Variants in RRAGD observed in about 807,000 individuals in gnomAD.
RRAGD encodes the protein ras-related GTP-binding protein D.
RRAGD carries 12 observed loss-of-function variants against 35.5 expected under a neutral mutation model. The ratio of observed to expected loss-of-function variants is 0.34; its 90% CI spans 0.22 to 0.55. RRAGD has a LOEUF of 0.55. Among genes scored for constraint, RRAGD ranks in the 20% least tolerant of loss-of-function variants. RRAGD has a pLI of 0.91. For synonymous variants in RRAGD, 155 were observed against 178.9 expected, an observed-to-expected ratio of 0.87 and a Z score of 1.07; for missense variants, 324 against 490.1, an observed-to-expected ratio of 0.66 and a Z score of 3.20.
At chr6:89,399,867 G>A (rs1401096118) in intron 1 of RRAGD, among the ~76,000 whole-genome samples, 1 of 149,332 alleles carries the variant, frequency 6.7e-6, no homozygotes, top group Non-Finnish European at 1.5e-5. Flanking sequence ...GCCTCCCAAA[G>A]TGCTGGGATT....
chr6:89,377,864 A>C, intron 4 of RRAGD, 51 bp from the exon 5 acceptor site: 1 of 1,384,486 alleles, frequency 7.2e-7, no homozygotes, highest in Non-Finnish European at 9.9e-7. Context: ...ACTTCAGACC[A>C]TGTCATGACT....
intron 6 of RRAGD, among the ~76,000 whole-genome samples, chr6:89,371,185 G>A (rs879523190): frequency 6.6e-6 from 1 of 152,018 alleles, no homozygotes; most frequent in Non-Finnish European, 1.5e-5. Flanking sequence ...GAGGGTAGGA[G>A]GGAGAGGAAA....
chr6:89,409,145 A>G (rs924474006), intron 1 of RRAGD, among the ~76,000 whole-genome samples: 7 of 152,254 alleles, frequency 4.6e-5, no homozygotes, highest in Non-Finnish European at 1.0e-4. Flanking sequence ...TTTACAAGGC[A>G]TACTCGGTTT....
At chr6:89,402,331 C>A (rs898491174) in intron 1 of RRAGD, among the ~76,000 whole-genome samples, 2 of 152,086 alleles carry the variant, frequency 1.3e-5, no homozygotes, top group East Asian at 1.9e-4. Context: ...CAGGCATGAG[C>A]CACTGAGCCC....
chr6:89,376,300 GGTGTGTGTGTGT>G lies in RRAGD; in HGVS notation c.902+1359_902+1370del, dbSNP rs34484330. ...TAAGTATCACTTTCCATGTGTGTGT[GGTGTGTGTGTGT>G]GTGTGTGTGTGTGTGTGTGTGTGTG... is the stretch of plus-strand genomic sequence containing the variant. On this transcript the variant is annotated intron_variant, in intron 5 of 6. Transcript: ENST00000369415. 5.7e-3 allele frequency among the ~76,000 whole-genome samples: 807 copies of G among 141,852 alleles called. 17 individuals carry two copies. Among genetic ancestry groups the G allele is most frequent in the East Asian group, 0.045 (177 of 3,974 alleles). The allele number at this position is 141,852 out of a possible 152,430, so 93.1% of individuals were successfully genotyped here.
Position 89,368,353 on chromosome 6 carries a change from G to A in RRAGD, c.1052-146C>T, listed in dbSNP as rs888846863. On this transcript the variant is annotated intron_variant, in intron 6 of 6. Coordinates refer to ENST00000369415, the MANE Select transcript of RRAGD (RefSeq NM_021244.5). ...CAGAGATTTCCCTGGGATGTCTGCA[G>A]CTGGCCTTCAGAAATTGCTATAAAT... 1.3e-5 allele frequency: 8 copies of A among 609,918 alleles called. No individual in the cohort carries two copies. The African/African-American group carries it at 1.5e-4, about 11-fold the overall frequency. The allele number at this position is 609,918 out of a possible 1,614,324, so 37.8% of individuals were successfully genotyped here. A position where few individuals can be genotyped will look rare whatever the true frequency, so the allele number is the denominator to read the frequency against.
At chr6:89,401,953 T>C (rs1260431294) in intron 1 of RRAGD, among the ~76,000 whole-genome samples, 1 of 151,466 alleles carries the variant, frequency 6.6e-6, no homozygotes, top group Non-Finnish European at 1.5e-5. Flanking sequence ...AAGAAATTAG[T>C]TGATGGAGAG....
At chr6:89,387,912 A>G (rs1769162968) in intron 1 of RRAGD, among the ~76,000 whole-genome samples, 1 of 152,160 alleles carries the variant, frequency 6.6e-6, no homozygotes. Flanking sequence ...GCAGGGACTC[A>G]GGAGCGTGAA....
intron 1 of RRAGD, among the ~76,000 whole-genome samples, chr6:89,401,963 G>A (rs984801286): frequency 1.3e-5 from 2 of 151,446 alleles, no homozygotes; most frequent in African/African-American, 4.9e-5. Context: ...TTGATGGAGA[G>A]GTGACAGGCT....
chr6:89,366,847 T>C lies in RRAGD; in HGVS notation c.*1209A>G, dbSNP rs1384172359. 6.6e-6 allele frequency: 1 copy of C among 152,154 alleles called. No homozygotes were observed. The highest frequency in any genetic ancestry group is 1.5e-5 in the Non-Finnish European group (1 of 68,024). 9.4% of individuals were successfully genotyped at this position (152,154 alleles called of 1,614,324 possible). A position where few individuals can be genotyped will look rare whatever the true frequency, so the allele number is the denominator to read the frequency against. On this transcript the variant is annotated 3_prime_UTR_variant, in exon 7 of 7. Transcript: ENST00000369415. ...CAGCCATCCTTTTCCCACTGACCTT[T>C]AGGGGTCTTCAGGATGACTCTTCAG...
rs886997567 is a variant in RRAGD at position 89,411,463 on chromosome 6, G to A, written c.148+383C>T. The stretch of plus-strand genomic sequence containing the variant: ...ATCTGACCCTGGCTTCAACAGCACC[G>A]TTCTGGGAGAGAGGTCCCAGGGCGC... On this transcript the variant is annotated intron_variant, in intron 1 of 6. Transcript: ENST00000369415. This position sits in a 1 kb window ranked among gnomAD's most constrained non-coding sequence, Gnocchi z 5.6. 1 of 197,978 alleles carries A rather than the reference G, an allele frequency of 5.1e-6. No individual in the cohort carries two copies. The highest frequency in any genetic ancestry group is 6.0e-5 in the Admixed American group (1 of 16,698). The allele number at this position is 197,978 out of a possible 1,614,324, so 12.3% of individuals were successfully genotyped here.
intron 1 of RRAGD, among the ~76,000 whole-genome samples, chr6:89,394,677 G>A (rs900051303): frequency 2.0e-5 from 3 of 152,048 alleles, no homozygotes; most frequent in Non-Finnish European, 4.4e-5. Context: ...AGAATGCTAC[G>A]GTTGCTGCTA....
intron 1 of RRAGD, among the ~76,000 whole-genome samples, chr6:89,389,638 A>G (rs555206267): frequency 6.6e-6 from 1 of 152,074 alleles, no homozygotes; most frequent in South Asian, 2.1e-4. Context: ...CTTGAAACAT[A>G]TAGTATTAAT....
At chr6:89,379,953 C>T (rs954348397) in intron 3 of RRAGD, among the ~76,000 whole-genome samples, 4 of 152,148 alleles carry the variant, frequency 2.6e-5, no homozygotes, top group African/African-American at 9.7e-5. Flanking sequence ...TTAGCTTTGA[C>T]CATTTGTTAA....
rs1161773716 is a variant in RRAGD, at chr6:89,411,686, G to A, written c.148+160C>T. On this transcript the variant is annotated intron_variant, in intron 1 of 6. Coordinates refer to ENST00000369415, the MANE Select transcript of RRAGD (RefSeq NM_021244.5). The surrounding 1 kb of genome is among the most constrained non-coding windows in gnomAD (Gnocchi z 5.6). ...GCGCTCCCTCATTTGGCAGCTCGAG[G>A]TCGGGCTTTTGGCGTCCCTCCCCAC... 6.6e-6 allele frequency among the ~76,000 whole-genome samples: 1 copy of A among 152,170 alleles called. No homozygotes were observed. Among genetic ancestry groups the A allele is most frequent in the Non-Finnish European group, 1.5e-5 (1 of 68,026 alleles).
In RRAGD at chr6:89,411,960, C is replaced by T; in HGVS notation, c.34G>A (p.Asp12Asn). Reference sequence around the variant, plus strand: ...TCCTCCTCCTCCGCGTCGTCCTCGTCCTGCGGCTGCGGCTTCCCCAGCACC... The same window carrying T: ...TCCTCCTCCTCCGCGTCGTCCTCGTTCTGCGGCTGCGGCTTCCCCAGCACC... ...SQVLGKPQPQ[D>N]EDDAEEEEEE... Residue 12 changes from aspartate (D) to asparagine (N), a missense_variant, in exon 1 of 7, where the codon GAC becomes AAC. Transcript: ENST00000369415. The surrounding 1 kb of genome is among the most constrained non-coding windows in gnomAD (Gnocchi z 5.6). 6.5e-7 allele frequency: 1 copy of T among 1,537,664 alleles called. No individual in the cohort carries two copies. Among genetic ancestry groups the T allele is most frequent in the South Asian group, 1.2e-5 (1 of 83,930 alleles).
intron 5 of RRAGD, among the ~76,000 whole-genome samples, chr6:89,375,270 A>G (rs1349874908): frequency 6.6e-6 from 1 of 152,244 alleles, no homozygotes; most frequent in Non-Finnish European, 1.5e-5. Flanking sequence ...TGCAATAAGC[A>G]TGTATTACTT....
intron 1 of RRAGD, among the ~76,000 whole-genome samples, chr6:89,408,302 A>C (rs1487494870): frequency 1.3e-5 from 2 of 152,172 alleles, no homozygotes; most frequent in Non-Finnish European, 2.9e-5. Flanking sequence ...TATAACTGTT[A>C]TCTCTACTTA....
At chr6:89,407,002 T>C (rs1769593763) in intron 1 of RRAGD, among the ~76,000 whole-genome samples, 1 of 152,198 alleles carries the variant, frequency 6.6e-6, no homozygotes, top group Non-Finnish European at 1.5e-5. Flanking sequence ...GGTAAAAATG[T>C]TCTGATTTAC....
Sources: gnomAD v4.1 joint callset for allele counts (sites outside exome capture counted in the v4.1 genomes callset) on GRCh38, gnomAD v4.1.1 for gene constraint, Gnocchi (gnomAD v3.1) non-coding constraint, MANE v1.5 for transcripts, NCBI Gene and HGNC (gene_info 2026-07-23, HGNC 2026-07-21) for gene names.